The following HECTD4 variants were observed in gnomAD, a reference collection of about 807,000 sequenced individuals.
HECTD4 encodes probable E3 ubiquitin-protein ligase HECTD4.
Under a neutral mutation model 471.5 loss-of-function variants are expected in HECTD4, and 114 were observed. The ratio of observed to expected loss-of-function variants is 0.24; its 90% CI spans 0.21 to 0.28. The LOEUF (loss-of-function observed/expected upper bound fraction) is 0.28, where lower values mean the gene tolerates loss of function less well. HECTD4 is among the 10% of genes least tolerant of loss of function. HECTD4 has a pLI of 1.00. For synonymous variants in HECTD4, 2,012 were observed against 2,256.0 expected (o/e 0.89, Z 3.07); for missense variants, 3,866 against 5,651.5 (o/e 0.68, Z 10.13).
chr12:112,269,198 A>G (rs1420139496), intron 13 of HECTD4, among the ~76,000 whole-genome samples: 3 of 152,248 alleles, frequency 2.0e-5, no homozygotes, highest in African/African-American at 7.2e-5. Context: ...ACAGGTTGAT[A>G]AAGGCTTGCA....
intron 60 of HECTD4, among the ~76,000 whole-genome samples, chr12:112,187,376 T>C (rs2031911402): frequency 6.6e-6 from 1 of 152,140 alleles, no homozygotes; most frequent in South Asian, 2.1e-4. Flanking sequence ...TTTCTTTGAA[T>C]GTATGTATGT....
intron 1 of HECTD4, among the ~76,000 whole-genome samples, chr12:112,320,348 CA>C (rs549437717): frequency 8.1e-5 from 12 of 148,368 alleles, no homozygotes; most frequent in African/African-American, 2.7e-4. Context: ...AATAATACTA[CA>C]AAAAAAAAGG....
At chr12:112,252,028 T>A (rs1344205009) in intron 23 of HECTD4, among the ~76,000 whole-genome samples, 1 of 152,178 alleles carries the variant, frequency 6.6e-6, no homozygotes, top group Non-Finnish European at 1.5e-5. Flanking sequence ...TGCCTCAGCC[T>A]CCCAAAGTGC....
intron 1 of HECTD4, among the ~76,000 whole-genome samples, chr12:112,324,089 T>C (rs961660527): frequency 2.2e-5 from 2 of 92,476 alleles, no homozygotes; most frequent in Non-Finnish European, 1.8e-5. Context: ...TTTCTTTCTT[T>C]CTTTCTTTCT....
intron 7 of HECTD4, among the ~76,000 whole-genome samples, chr12:112,292,651 G>A (rs2034912333): frequency 6.6e-6 from 1 of 152,194 alleles, no homozygotes; most frequent in African/African-American, 2.4e-5. Context: ...ACTTACATCA[G>A]TAAGGCTGGA....
chr12:112,179,029 G>A lies in HECTD4; in HGVS notation c.11265C>T (p.Ser3755=), dbSNP rs767763929. Residue 3755 remains serine (S), a synonymous_variant, in exon 64 of 76, where the codon AGC becomes AGT. Transcript: ENST00000682272. The surrounding 1 kb of genome is among the most constrained non-coding windows in gnomAD (Gnocchi z 4.3). Reference sequence around the variant, plus strand: ...CGGGGTGCTGCTCCTTCCCGGCCTTGCTGTACTTGCTCTTGTCAAACTTGG... The same window carrying A: ...CGGGGTGCTGCTCCTTCCCGGCCTTACTGTACTTGCTCTTGTCAAACTTGG... ...PKPKFDKSKY[S]KAGKEQHPVK... 1.2e-6 allele frequency: 2 copies of A among 1,613,888 alleles called. No individual in the cohort carries two copies. Among genetic ancestry groups the A allele is most frequent in the Admixed American group, 3.3e-5 (2 of 59,992 alleles).
rs777378665 is a variant in HECTD4, at chr12:112,233,060, G to A, written c.5941C>T (p.Leu1981Phe). 6.2e-7 allele frequency: 1 copy of A among 1,611,626 alleles called. No homozygotes were observed. Among genetic ancestry groups the A allele is most frequent in the Admixed American group, 1.7e-5 (1 of 59,754 alleles). Reference protein sequence around the residue: ...LSSSEGRPFRLGTGANMEKVV... With the variant: ...LSSSEGRPFRFGTGANMEKVV... ...TTCTCCATGTTGGCGCCAGTACCAA[G>A]TCGGAAGGGCCGTCCTTCTGAACTA... Residue 1981 changes from leucine (L) to phenylalanine (F), a missense_variant, in exon 38 of 76, where the codon CTT becomes TTT. This residue lies in a region of HECTD4 where 617 missense variants were observed against 915.1 expected (regional missense o/e 0.67). Transcript: ENST00000682272.
intron 34 of HECTD4, among the ~76,000 whole-genome samples, chr12:112,238,298 G>C (rs1038574956): frequency 6.6e-6 from 1 of 151,582 alleles, no homozygotes; most frequent in Non-Finnish European, 1.5e-5. Flanking sequence ...CTGCAGCCTC[G>C]ACCTCCCTGG....
chr12:112,213,388 T>TA lies in HECTD4; in HGVS notation c.7466-739dup, dbSNP rs1160602950. ...CTCCGGTGAATATTCAGAAATGGCCTAAAAATATATAATTTAGGCCGGGCA... is the reference window on the plus strand; with the variant it reads ...CTCCGGTGAATATTCAGAAATGGCCTAAAAAATATATAATTTAGGCCGGGCA... On this transcript the variant is annotated intron_variant, in intron 48 of 75. Transcript: ENST00000682272. The surrounding 1 kb of genome is among the most constrained non-coding windows in gnomAD (Gnocchi z 4.0). Among the ~76,000 whole-genome samples the TA allele has an allele frequency of 6.6e-6, 1 of 152,056 alleles. No homozygotes were observed. The highest frequency in any genetic ancestry group is 1.5e-5 in the Non-Finnish European group (1 of 68,014).
chr12:112,171,298 G>C (rs1036819089), intron 67 of HECTD4, 35 bp from the exon 68 acceptor site: 2 of 1,572,994 alleles, frequency 1.3e-6, no homozygotes, highest in African/African-American at 2.7e-5. Context: ...TGAGATCTCG[G>C]CCAGGTGGCT....
At chr12:112,254,245 G>GT in intron 21 of HECTD4, 83 bp from the exon 22 acceptor site, 11 of 1,518,830 alleles carry the variant, frequency 7.2e-6, no homozygotes, top group Non-Finnish European at 9.9e-6. Context: ...AAAAACATTT[G>GT]TTTAAAATAC....
rs148544649 is a variant in HECTD4, at chr12:112,197,311, C to T, written c.8568-2245G>A. On this transcript the variant is annotated intron_variant, in intron 55 of 75. Transcript: ENST00000682272. The stretch of plus-strand genomic sequence containing the variant: ...TGCTCTAGCCTCTGTTTTCCAAAAT[C>T]CTCTTTATTTATTAAAAAAAAAATT... 9.2e-5 allele frequency among the ~76,000 whole-genome samples: 14 copies of T among 152,216 alleles called. No homozygotes were observed. In the East Asian group the frequency reaches 2.7e-3, roughly 29 times the overall value.
intron 1 of HECTD4, among the ~76,000 whole-genome samples, chr12:112,371,325 C>A (rs1293034823): frequency 6.6e-6 from 1 of 152,112 alleles, no homozygotes; most frequent in Non-Finnish European, 1.5e-5. Context: ...CCTGTAATCC[C>A]AGCACTCTGG....
Position 112,242,241 on chromosome 12 carries a change from C to T in HECTD4, c.4958+1112G>A, listed in dbSNP as rs4767531. On this transcript the variant is annotated intron_variant, in intron 32 of 75. Transcript: ENST00000682272. ...ACAAAAGCAATAAAGACAAATGAACCTATGTGTCCGTCAGCAGAGGATGTG... is the reference window on the plus strand; with the variant it reads ...ACAAAAGCAATAAAGACAAATGAACTTATGTGTCCGTCAGCAGAGGATGTG... Among the ~76,000 whole-genome samples, 8,443 of 152,118 alleles carry T rather than the reference C, an allele frequency of 0.056. 1,294 individuals carry two copies. In the East Asian group the frequency reaches 0.61, roughly 11 times the overall value.
chr12:112,296,558 A>G (rs1484026213), intron 7 of HECTD4, among the ~76,000 whole-genome samples: 38 of 98,274 alleles, frequency 3.9e-4, no homozygotes, highest in Middle Eastern at 0.021. Context: ...CGTAGGTGCA[A>G]AGGGTGTAAG....
chr12:112,180,941 A>G (rs2031647030), intron 62 of HECTD4, among the ~76,000 whole-genome samples: 1 of 152,058 alleles, frequency 6.6e-6, no homozygotes, highest in Non-Finnish European at 1.5e-5. Flanking sequence ...TAATCAGTCA[A>G]AATTATTTAG....
At chr12:112,286,276 C>G (rs1278074920) in intron 7 of HECTD4, among the ~76,000 whole-genome samples, 1 of 152,212 alleles carries the variant, frequency 6.6e-6, no homozygotes, top group Non-Finnish European at 1.5e-5. Flanking sequence ...TGGTCCAAGT[C>G]CACATCATCT....
Position 112,248,416 on chromosome 12 carries a change from G to C in HECTD4, c.4047C>G (p.Phe1349Leu). The change falls in exon 26 of 76, where the codon TTC becomes TTG. Residue 1349 changes from phenylalanine (F) to leucine (L), a missense_variant. Phe to Leu is a conservative substitution (Grantham distance 22). This residue lies in a region of HECTD4 where 281 missense variants were observed against 499.9 expected (regional missense o/e 0.56). Transcript: ENST00000682272. ...CTTCAGCATGTTCTTCTTGATATTGGAAATTTATTAGAGACTGCAGTGCAT... is the reference window on the plus strand; with the variant it reads ...CTTCAGCATGTTCTTCTTGATATTGCAAATTTATTAGAGACTGCAGTGCAT... ...LVDALQSLIN[F>L]QYQEEHAEEY... 1 of 1,611,046 alleles carries C rather than the reference G, an allele frequency of 6.2e-7. No homozygotes were observed. Among genetic ancestry groups the C allele is most frequent in the Non-Finnish European group, 8.5e-7 (1 of 1,177,844 alleles).
At chr12:112,267,039 A>G in intron 13 of HECTD4, 57 bp from the exon 14 acceptor site, 1 of 922,186 alleles carries the variant, frequency 1.1e-6, no homozygotes, top group Non-Finnish European at 1.7e-6. Flanking sequence ...AATCAACTCT[A>G]AATATTTAAA....
Sources: allele counts gnomAD v4.1 joint callset (sites outside exome capture counted in the v4.1 genomes callset), GRCh38; gene constraint gnomAD v4.1.1; regional missense constraint gnomAD v4.1.1; non-coding constraint Gnocchi (gnomAD v3.1); transcripts MANE v1.5; gene names NCBI Gene and HGNC (gene_info 2026-07-23, HGNC 2026-07-21).